Variants in CADPS observed in about 807,000 individuals in gnomAD.
CADPS encodes the protein calcium-dependent secretion activator 1.
Under a neutral mutation model 167.3 loss-of-function variants are expected in CADPS, and 57 were observed. That is an observed-to-expected ratio of 0.34 (90% confidence interval 0.28 to 0.42). The LOEUF is 0.42. CADPS is among the 20% of genes least tolerant of loss of function. The probability of loss-of-function intolerance (pLI) is 1.00; values close to 1 mark genes in which losing one functional copy is unlikely to be tolerated. For missense variants in CADPS, 1,414 were observed against 1,738.1 expected (o/e 0.81, Z 3.32); for synonymous variants, 676 against 635.3 (o/e 1.06, Z -0.96).
At chr3:62,818,651 C>A (rs2094741857) in intron 1 of CADPS, among the ~76,000 whole-genome samples, 1 of 152,188 alleles carries the variant, frequency 6.6e-6, no homozygotes, top group Non-Finnish European at 1.5e-5. Context: ...AAACATATAC[C>A]TACAAGATGG....
chr3:62,600,199 C>T, intron 6 of CADPS, among the ~76,000 whole-genome samples: 1 of 149,370 alleles, frequency 6.7e-6, no homozygotes. Context: ...GTGCACACAG[C>T]AGCTGGCAGC....
At chr3:62,618,420 A>G (rs543117617) in intron 6 of CADPS, among the ~76,000 whole-genome samples, 22 of 152,280 alleles carry the variant, frequency 1.4e-4, no homozygotes, top group Admixed American at 6.5e-4. Flanking sequence ...GGCCTGAGTG[A>G]TGGTATCATT....
intron 1 of CADPS, among the ~76,000 whole-genome samples, chr3:62,820,112 G>A (rs1225965763): frequency 6.6e-6 from 1 of 152,158 alleles, no homozygotes; most frequent in Non-Finnish European, 1.5e-5. Flanking sequence ...AATGGGAGCA[G>A]TGAGTTTTCA....
intron 11 of CADPS, 61 bp downstream of exon 11, chr3:62,549,842 A>T (rs1397531731): frequency 1.5e-6 from 2 of 1,310,694 alleles, no homozygotes; most frequent in Middle Eastern, 3.8e-4. Context: ...TTTCTAATTC[A>T]ACTTTGGAAG....
intron 3 of CADPS, among the ~76,000 whole-genome samples, chr3:62,713,100 A>G (rs1580955514): frequency 6.6e-6 from 1 of 152,206 alleles, no homozygotes; most frequent in Non-Finnish European, 1.5e-5. Flanking sequence ...ACTGACTACA[A>G]TTTGCTGAGC....
intron 6 of CADPS, among the ~76,000 whole-genome samples, chr3:62,617,134 G>C (rs2062441393): frequency 6.6e-6 from 1 of 152,114 alleles, no homozygotes; most frequent in African/African-American, 2.4e-5. Flanking sequence ...GAAGAACTGA[G>C]TAATTACCTG....
chr3:62,408,409 A>G (rs975355859), intron 28 of CADPS, among the ~76,000 whole-genome samples: 1 of 152,222 alleles, frequency 6.6e-6, no homozygotes, highest in African/African-American at 2.4e-5. Flanking sequence ...ATTTTGTGAT[A>G]GAAAAGTTGC....
At chr3:62,450,560 T>C (rs1286866479) in intron 26 of CADPS, among the ~76,000 whole-genome samples, 1 of 152,168 alleles carries the variant, frequency 6.6e-6, no homozygotes, top group African/African-American at 2.4e-5. Context: ...TCCCCTCTGG[T>C]AGGACAACCC....
Position 62,478,474 on chromosome 3 carries a change from A to T in CADPS, c.3174-58T>A. On this transcript the variant is annotated intron_variant, in intron 22 of 29. Transcript: ENST00000383710. This position sits in a 1 kb window ranked among gnomAD's most constrained non-coding sequence, Gnocchi z 5.7. ...CCCACTGGCCTCAGGCTCTACAAAA[A>T]CTAACACAGAGACAACTGGGGGCTA... 1 of 1,520,464 alleles carries T rather than the reference A, an allele frequency of 6.6e-7. No individual in the cohort carries two copies. Among genetic ancestry groups the T allele is most frequent in the Non-Finnish European group, 9.0e-7 (1 of 1,115,264 alleles). 94.2% of individuals were successfully genotyped at this position (1,520,464 alleles called of 1,614,324 possible).
At chr3:62,697,126 T>A (rs916341248) in intron 3 of CADPS, among the ~76,000 whole-genome samples, 4 of 152,242 alleles carry the variant, frequency 2.6e-5, no homozygotes, top group African/African-American at 9.6e-5. Context: ...CATTTCCTAT[T>A]TCCATAGGTT....
chr3:62,675,817 T>A (rs2076253344), intron 3 of CADPS, among the ~76,000 whole-genome samples: 1 of 152,156 alleles, frequency 6.6e-6, no homozygotes, highest in Non-Finnish European at 1.5e-5. Flanking sequence ...TGAAACTGTT[T>A]TTAAGATTAG....
chr3:62,475,167 A>G (rs2061108343), intron 23 of CADPS, among the ~76,000 whole-genome samples: 1 of 152,250 alleles, frequency 6.6e-6, no homozygotes, highest in Non-Finnish European at 1.5e-5. Context: ...GATCTCAGCA[A>G]TGTGCTAACA....
At chr3:62,786,213 A>C (rs2092414271) in intron 1 of CADPS, among the ~76,000 whole-genome samples, 2 of 152,000 alleles carry the variant, frequency 1.3e-5, no homozygotes, top group Non-Finnish European at 2.9e-5. Context: ...ACTCTGCTCA[A>C]AATAAAATAA....
rs1465536738 is a variant in CADPS at position 62,412,223 on chromosome 3, A to G, written c.3778-9038T>C. On this transcript the variant is annotated intron_variant, in intron 28 of 29. Coordinates refer to ENST00000383710, the MANE Select transcript of CADPS (RefSeq NM_003716.4). The surrounding 1 kb of genome is among the most constrained non-coding windows in gnomAD (Gnocchi z 4.1). ...ATGCCACTGAAGTCTTTACAAAGCT[A>G]TCAGTGCTGTGGCTTTTCAGGATGG... Among the ~76,000 whole-genome samples the G allele has an allele frequency of 2.0e-5, 3 of 149,330 alleles. No homozygotes were observed. Among genetic ancestry groups the G allele is most frequent in the South Asian group, 2.1e-4 (1 of 4,732 alleles).
chr3:62,629,046 G>A (rs1345425491), intron 6 of CADPS, among the ~76,000 whole-genome samples: 1 of 151,984 alleles, frequency 6.6e-6, no homozygotes, highest in African/African-American at 2.4e-5. Flanking sequence ...CTCTCCTTAT[G>A]TCTACTCTCT....
intron 3 of CADPS, among the ~76,000 whole-genome samples, chr3:62,737,667 G>A (rs1047436192): frequency 6.6e-6 from 1 of 152,102 alleles, no homozygotes; most frequent in African/African-American, 2.4e-5. Context: ...CCTTCTGAAT[G>A]TACTTCCTTT....
intron 3 of CADPS, among the ~76,000 whole-genome samples, chr3:62,748,160 T>C (rs1348758144): frequency 1.4e-5 from 1 of 70,494 alleles, no homozygotes; most frequent in Non-Finnish European, 2.6e-5. Context: ...CCGTCTCTAC[T>C]AAAATTACAA....
chr3:62,698,999 G>A (rs993528941), intron 3 of CADPS, among the ~76,000 whole-genome samples: 1 of 151,780 alleles, frequency 6.6e-6, no homozygotes, highest in African/African-American at 2.4e-5. Context: ...TGGGGAACAG[G>A]TGGTGTTTGG....
intron 8 of CADPS, among the ~76,000 whole-genome samples, chr3:62,578,426 C>T (rs148152445): frequency 2.4e-4 from 36 of 151,504 alleles, no homozygotes; most frequent in East Asian, 2.1e-3. Flanking sequence ...CTGGCTAGCA[C>T]GGTGAAACCC....
Sources: gnomAD v4.1 joint callset for allele counts (sites outside exome capture counted in the v4.1 genomes callset) on GRCh38, gnomAD v4.1.1 for gene constraint, Gnocchi (gnomAD v3.1) non-coding constraint, MANE v1.5 for transcripts, NCBI Gene and HGNC (gene_info 2026-07-23, HGNC 2026-07-21) for gene names.